STAG1: variants seen among roughly 807,000 people sequenced by gnomAD.
STAG1 encodes the protein cohesin subunit SA-1.
Under a neutral mutation model 170.9 loss-of-function variants are expected in STAG1, and 26 were observed. The ratio of observed to expected loss-of-function variants is 0.15; its 90% CI spans 0.11 to 0.21. STAG1 has a LOEUF of 0.21. Ranked by LOEUF, STAG1 falls within the 10% of genes least tolerant of loss-of-function variation. STAG1 has a pLI of 1.00. For synonymous variants in STAG1, 514 were observed against 497.7 expected (o/e 1.03, Z -0.44); for missense variants, 964 against 1,509.5 (o/e 0.64, Z 5.99).
chr3:136,554,217 GGA>G (rs1490585799), intron 5 of STAG1, among the ~76,000 whole-genome samples: 1 of 152,066 alleles, frequency 6.6e-6, no homozygotes, highest in Non-Finnish European at 1.5e-5. Flanking sequence ...ATCAGGGAGT[GGA>G]GAGAGAGACA....
In STAG1 at chr3:136,398,847, A is replaced by T; in HGVS notation, c.2197-18T>A. The T allele has an allele frequency of 1.3e-6, 2 of 1,515,534 alleles. No homozygotes were observed. Among genetic ancestry groups the T allele is most frequent in the Non-Finnish European group, 1.8e-6 (2 of 1,127,396 alleles). The allele number at this position is 1,515,534 out of a possible 1,614,324, so 93.9% of individuals were successfully genotyped here. A position where few individuals can be genotyped will look rare whatever the true frequency, so the allele number is the denominator to read the frequency against. On this transcript the variant is annotated intron_variant, in intron 21 of 33. Transcript: ENST00000383202. Reference sequence around the variant, plus strand: ...ACGACTATCTGTATCAAATGAAAAAAAATTTTTTTAATGAAAAATTCAAAA... The same window carrying T: ...ACGACTATCTGTATCAAATGAAAAATAATTTTTTTAATGAAAAATTCAAAA...
intron 1 of STAG1, among the ~76,000 whole-genome samples, chr3:136,705,479 T>A (rs1339840653): frequency 6.6e-6 from 1 of 151,886 alleles, no homozygotes; most frequent in Non-Finnish European, 1.5e-5. Flanking sequence ...GATCCTGAAT[T>A]GTAGCTCCCA....
At chr3:136,505,524 A>G (rs1001760136) in intron 7 of STAG1, among the ~76,000 whole-genome samples, 2 of 152,350 alleles carry the variant, frequency 1.3e-5, no homozygotes, top group South Asian at 4.1e-4. Flanking sequence ...GCATTTTACA[A>G]AAGTACTAGG....
chr3:136,735,144 T>C (rs1304506386), intron 1 of STAG1, among the ~76,000 whole-genome samples: 1 of 151,996 alleles, frequency 6.6e-6, no homozygotes, highest in Non-Finnish European at 1.5e-5. Flanking sequence ...GGAGATGGAC[T>C]TCCGCTCTTG....
intron 1 of STAG1, among the ~76,000 whole-genome samples, chr3:136,643,584 C>T (rs1940882118): frequency 6.6e-6 from 1 of 152,196 alleles, no homozygotes; most frequent in Non-Finnish European, 1.5e-5. Context: ...TCTCAGCTCA[C>T]TGCAACCTCT....
At chr3:136,703,425 T>G (rs1454250769) in intron 1 of STAG1, among the ~76,000 whole-genome samples, 1 of 152,230 alleles carries the variant, frequency 6.6e-6, no homozygotes, top group East Asian at 1.9e-4. Flanking sequence ...TGGGGTTGTG[T>G]GTTTTTATCT....
intron 13 of STAG1, among the ~76,000 whole-genome samples, chr3:136,453,838 T>C (rs2089021142): frequency 1.3e-5 from 2 of 150,198 alleles, no homozygotes; most frequent in Admixed American, 1.3e-4. Flanking sequence ...AGAGGCAAAA[T>C]AACTGAATAA....
At position 136,377,743 on chromosome 3, in the gene STAG1, A is replaced by G. The variant is rs745702967; in HGVS notation, c.2287T>C (p.Leu763=). 3 of 1,613,962 alleles carry G rather than the reference A, an allele frequency of 1.9e-6. No individual in the cohort carries two copies. Among genetic ancestry groups the G allele is most frequent in the Non-Finnish European group, 2.5e-6 (3 of 1,179,880 alleles). ...TDGSPSKEDL[L]VLRKTVKSFL... The stretch of plus-strand genomic sequence containing the variant: ...GATTTCACCGTTTTCCTCAATACCA[A>G]CAAATCCTCCTGTAAGACACATTCA... The change falls in exon 23 of 34, where the codon TTG becomes CTG. Residue 763 remains leucine (L), a synonymous_variant. Transcript: ENST00000383202.
intron 20 of STAG1, among the ~76,000 whole-genome samples, chr3:136,419,686 C>T (rs1490664077): frequency 6.7e-6 from 1 of 150,200 alleles, no homozygotes; most frequent in Non-Finnish European, 1.5e-5. Flanking sequence ...TGGTCTTGAA[C>T]CCCTGGGCTC....
chr3:136,582,131 T>C (rs1055265363), intron 4 of STAG1, among the ~76,000 whole-genome samples: 2 of 149,034 alleles, frequency 1.3e-5, no homozygotes, highest in African/African-American at 5.0e-5. Context: ...AGGTGCTAAG[T>C]GGATACAAAA....
Position 136,623,134 on chromosome 3 carries a change from C to CATA in STAG1, c.132+9_132+11dup. 2 of 1,607,396 alleles carry CATA rather than the reference C, an allele frequency of 1.2e-6. No homozygotes were observed. The highest frequency in any genetic ancestry group is 3.4e-5 in the Admixed American group (2 of 59,540). The stretch of plus-strand genomic sequence containing the variant: ...CTATTAAAGGAACAAAGAAGACAAG[C>CATA]ATAATACATACTGGAGGCCGGCCAG... On this transcript the variant is annotated intron_variant, in intron 3 of 33. Transcript: ENST00000383202.
At chr3:136,737,114 C>A (rs59361983) in intron 1 of STAG1, 4 of 861,620 alleles carry the variant, frequency 4.6e-6, no homozygotes, top group African/African-American at 3.3e-5. Context: ...GTCTTTCAAT[C>A]TGATTTTTTC....
intron 4 of STAG1, among the ~76,000 whole-genome samples, chr3:136,570,988 G>A (rs112882197): frequency 4.6e-5 from 7 of 152,310 alleles, no homozygotes; most frequent in African/African-American, 1.4e-4. Flanking sequence ...TAATGTGTCA[G>A]GCTCTGCAAG....
chr3:136,374,310 A>G (rs1466139413), intron 23 of STAG1, among the ~76,000 whole-genome samples: 1 of 103,180 alleles, frequency 9.7e-6, no homozygotes, highest in African/African-American at 3.6e-5. Flanking sequence ...AGCTTCTAGA[A>G]TAAAGATATA....
intron 13 of STAG1, among the ~76,000 whole-genome samples, chr3:136,463,989 A>G (rs1055818351): frequency 6.6e-6 from 1 of 150,838 alleles, no homozygotes; most frequent in African/African-American, 2.4e-5. Flanking sequence ...AAATCACGCT[A>G]AAACATGTAC....
chr3:136,461,530 A>C (rs969270744), intron 13 of STAG1, among the ~76,000 whole-genome samples: 1 of 152,038 alleles, frequency 6.6e-6, no homozygotes, highest in African/African-American at 2.4e-5. Context: ...AAAAGTGAAC[A>C]ATCTGAAAAA....
chr3:136,379,094 A>C (rs979112273), intron 22 of STAG1, among the ~76,000 whole-genome samples: 3 of 152,244 alleles, frequency 2.0e-5, no homozygotes, highest in African/African-American at 7.2e-5. Context: ...TGTGGAGAGA[A>C]GTAAAAAGGA....
chr3:136,461,742 G>A (rs577919288), intron 13 of STAG1, among the ~76,000 whole-genome samples: 1 of 152,184 alleles, frequency 6.6e-6, no homozygotes, highest in East Asian at 1.9e-4. Context: ...ATACAGCAAA[G>A]GGATCAATAA....
At chr3:136,667,652 C>T (rs957018558) in intron 1 of STAG1, among the ~76,000 whole-genome samples, 12 of 152,024 alleles carry the variant, frequency 7.9e-5, no homozygotes, top group Admixed American at 3.9e-4. Context: ...CATGCCACCA[C>T]GCCCAGCTAA....
Sources: allele counts gnomAD v4.1 joint callset (sites outside exome capture counted in the v4.1 genomes callset), GRCh38; gene constraint gnomAD v4.1.1; transcripts MANE v1.5; gene names NCBI Gene and HGNC (gene_info 2026-07-23, HGNC 2026-07-21).